Variants in TPST1 observed in about 807,000 individuals in gnomAD.
TPST1 encodes protein-tyrosine sulfotransferase 1.
A neutral mutation model predicts 34.8 loss-of-function variants in TPST1; 20 were observed. The ratio of observed to expected loss-of-function variants is 0.57; its 90% CI spans 0.40 to 0.84. The LOEUF (loss-of-function observed/expected upper bound fraction) is 0.84. Ranked by LOEUF, TPST1 falls within the 40% of genes least tolerant of loss-of-function variation. The pLI, the probability that TPST1 is intolerant of heterozygous loss-of-function variation, is 0.00. For missense variants in TPST1, 353 were observed against 455.5 expected, an observed-to-expected ratio of 0.78 and a Z score of 2.05; for synonymous variants, 152 against 159.4, an observed-to-expected ratio of 0.95 and a Z score of 0.35.
intron 2 of TPST1, among the ~76,000 whole-genome samples, chr7:66,282,926 A>G (rs1790961172): frequency 6.6e-6 from 1 of 152,020 alleles, no homozygotes; most frequent in African/African-American, 2.4e-5. Flanking sequence ...CATCCTCCCA[A>G]CTTAGTAGCT....
At chr7:66,336,888 A>G (rs145572954) in intron 3 of TPST1, among the ~76,000 whole-genome samples, 161 of 152,334 alleles carry the variant, frequency 1.1e-3, no homozygotes, top group African/African-American at 3.6e-3. Flanking sequence ...ACATACCCCA[A>G]TAGAGCTTTC....
At chr7:66,306,391 G>A (rs1347339541) in intron 3 of TPST1, among the ~76,000 whole-genome samples, 2 of 152,286 alleles carry the variant, frequency 1.3e-5, no homozygotes, top group Non-Finnish European at 2.9e-5. Context: ...GGTGAGACCC[G>A]TGTAGGTGCA....
At chr7:66,282,517 C>T (rs1305231135) in intron 2 of TPST1, among the ~76,000 whole-genome samples, 6 of 152,142 alleles carry the variant, frequency 3.9e-5, no homozygotes, top group Non-Finnish European at 7.3e-5. Context: ...ACTGTGTCTC[C>T]GTCTGTTAGT....
At chr7:66,296,004 G>A (rs1791184338) in intron 3 of TPST1, among the ~76,000 whole-genome samples, 2 of 152,142 alleles carry the variant, frequency 1.3e-5, no homozygotes. Context: ...TTGCACAATA[G>A]TGAAAGGGTT....
At position 66,315,305 on chromosome 7, in the gene TPST1, T is replaced by C. The variant is rs181155818; in HGVS notation, c.1044+28596T>C. 4.8e-3 allele frequency among the ~76,000 whole-genome samples: 728 copies of C among 152,318 alleles called. 4 individuals are homozygous for C. The highest frequency in any genetic ancestry group is 6.5e-3 in the Non-Finnish European group (445 of 68,032). Reference sequence around the variant, plus strand: ...GGAGGGCACATGGTTATCAGGCTCGTGAAACTGGAATTCATAGAGGAGGAA... The same window carrying C: ...GGAGGGCACATGGTTATCAGGCTCGCGAAACTGGAATTCATAGAGGAGGAA... On this transcript the variant is annotated intron_variant, in intron 3 of 5. Transcript: ENST00000304842.
intron 3 of TPST1, among the ~76,000 whole-genome samples, chr7:66,311,141 T>C (rs538767286): frequency 6.6e-6 from 1 of 151,526 alleles, no homozygotes; most frequent in African/African-American, 2.4e-5. Flanking sequence ...CTTTTTTTTG[T>C]GTGTGTGTGA....
chr7:66,356,712 C>T, intron 4 of TPST1, 113 bp from the exon 5 acceptor site: 2 of 1,199,360 alleles, frequency 1.7e-6, no homozygotes, highest in Middle Eastern at 1.9e-4. Flanking sequence ...GCACTGAGTT[C>T]ATCTGAAAGT....
At chr7:66,270,579 C>G (rs1790685634) in intron 2 of TPST1, among the ~76,000 whole-genome samples, 1 of 152,212 alleles carries the variant, frequency 6.6e-6, no homozygotes, top group Non-Finnish European at 1.5e-5. Context: ...TTTTAATCGA[C>G]AGATTTCCAA....
intron 1 of TPST1, chr7:66,221,671 G>A (rs1401491829): frequency 2.0e-5 from 3 of 152,220 alleles, no homozygotes; most frequent in African/African-American, 7.2e-5. Flanking sequence ...GTAAGGGAAT[G>A]CAGTGCTGTA....
At chr7:66,344,934 C>T (rs887926442) in intron 3 of TPST1, among the ~76,000 whole-genome samples, 3 of 149,944 alleles carry the variant, frequency 2.0e-5, no homozygotes, top group African/African-American at 4.9e-5. Flanking sequence ...CCATGTTAGC[C>T]GGGATGGTCT....
At chr7:66,271,342 C>T (rs1790700746) in intron 2 of TPST1, among the ~76,000 whole-genome samples, 1 of 152,142 alleles carries the variant, frequency 6.6e-6, no homozygotes, top group Non-Finnish European at 1.5e-5. Context: ...CCACGCCCGG[C>T]TAATTTTTGT....
At chr7:66,220,420 A>G (rs1461542983) in intron 1 of TPST1, among the ~76,000 whole-genome samples, 1 of 152,172 alleles carries the variant, frequency 6.6e-6, no homozygotes, top group Non-Finnish European at 1.5e-5. Context: ...TACTGGAAAA[A>G]CAGACAAAGT....
chr7:66,299,299 GTTTT>G (rs35066356), intron 3 of TPST1, among the ~76,000 whole-genome samples: 1 of 124,300 alleles, frequency 8.0e-6, no homozygotes, highest in Non-Finnish European at 1.6e-5. Context: ...ATGCTCTTAG[GTTTT>G]TTTTTTTTTT....
chr7:66,339,903 C>T (rs897186965), intron 3 of TPST1, among the ~76,000 whole-genome samples: 5 of 149,330 alleles, frequency 3.3e-5, no homozygotes, highest in African/African-American at 7.4e-5. Flanking sequence ...ATTCAGCATA[C>T]CCAAATCAAT....
At chr7:66,255,016 GGGC>G (rs1562817185) in intron 2 of TPST1, among the ~76,000 whole-genome samples, 1 of 151,818 alleles carries the variant, frequency 6.6e-6, no homozygotes, top group East Asian at 1.9e-4. Context: ...GCGTGGTGGC[GGGC>G]GCCTGTAGTC....
intron 1 of TPST1, among the ~76,000 whole-genome samples, chr7:66,213,537 C>G (rs941314748): frequency 2.0e-5 from 3 of 152,050 alleles, no homozygotes; most frequent in Non-Finnish European, 4.4e-5. Context: ...GGGCAGATCA[C>G]GAGGTCGGGA....
In TPST1 at chr7:66,240,794, C is replaced by T; in HGVS notation, c.369C>T (p.Arg123=). ...CACGGTCAAGTAAAGAGAAGATCCGCCTGGATGAGGCTGGTGTTACTGATG... is the reference window on the plus strand; with the variant it reads ...CACGGTCAAGTAAAGAGAAGATCCGTCTGGATGAGGCTGGTGTTACTGATG... ...MWSRSSKEKI[R]LDEAGVTDEV... Residue 123 remains arginine, a synonymous_variant, in exon 2 of 6, where the codon CGC becomes CGT. Coordinates refer to ENST00000304842, the MANE Select transcript of TPST1 (RefSeq NM_003596.4). 1 of 1,614,186 alleles carries T rather than the reference C, an allele frequency of 6.2e-7. No individual in the cohort carries two copies. Among genetic ancestry groups the T allele is most frequent in the Non-Finnish European group, 8.5e-7 (1 of 1,180,038 alleles).
chr7:66,353,008 A>G, intron 4 of TPST1: 1 of 985,116 alleles, frequency 1.0e-6, no homozygotes, highest in Non-Finnish European at 1.2e-6. Context: ...GCCCCTGGGA[A>G]GGACAGTGAG....
chr7:66,276,513 A>G (rs1392353033), intron 2 of TPST1, among the ~76,000 whole-genome samples: 1 of 151,196 alleles, frequency 6.6e-6, no homozygotes, highest in African/African-American at 2.4e-5. Flanking sequence ...AGCTGCGAGT[A>G]CAGGCATGTG....
Sources: allele counts gnomAD v4.1 joint callset (sites outside exome capture counted in the v4.1 genomes callset), GRCh38; gene constraint gnomAD v4.1.1; transcripts MANE v1.5; gene names NCBI Gene and HGNC (gene_info 2026-07-23, HGNC 2026-07-21).